Variants in PTPRD observed in about 807,000 individuals in gnomAD.
PTPRD encodes protein tyrosine phosphatase receptor type D.
A neutral mutation model predicts 214.5 loss-of-function variants in PTPRD; 34 were observed. The observed-to-expected ratio is 0.16, with a 90% confidence interval of 0.12 to 0.21. The LOEUF (loss-of-function observed/expected upper bound fraction) is 0.21, where lower values mean the gene tolerates loss of function less well. PTPRD is among the 10% of genes least tolerant of loss of function. The pLI is 1.00. For synonymous variants in PTPRD, 1,128 were observed against 845.7 expected (o/e 1.33, Z -5.79); for missense variants, 2,545 against 2,398.7 (o/e 1.06, Z -1.27).
At chr9:8,473,463 C>G (rs2096699739) in intron 30 of PTPRD, among the ~76,000 whole-genome samples, 2 of 152,144 alleles carry the variant, frequency 1.3e-5, no homozygotes, top group African/African-American at 4.8e-5. Context: ...CGTACAAAAT[C>G]ACACTGCAGA....
Position 10,208,310 on chromosome 9 carries a change from C to T in PTPRD, c.-545+132653G>A, listed in dbSNP as rs568193048. Among the ~76,000 whole-genome samples the T allele has an allele frequency of 4.0e-3, 616 of 152,168 alleles. 2 individuals are homozygous for T. Among genetic ancestry groups the T allele is most frequent in the African/African-American group, 0.012 (517 of 41,482 alleles). ...AGGGCGGATCACGAGGTCAGGAGATCGACGCCATCCTGGCTAACACGGTGA... is the reference window on the plus strand; with the variant it reads ...AGGGCGGATCACGAGGTCAGGAGATTGACGCCATCCTGGCTAACACGGTGA... On this transcript the variant is annotated intron_variant, in intron 3 of 45. Coordinates refer to ENST00000381196, the MANE Select transcript of PTPRD (RefSeq NM_002839.4).
At position 10,607,163 on chromosome 9, in the gene PTPRD, G is replaced by C. The variant is rs114190036; in HGVS notation, c.-600+5235C>G. 1.8e-3 allele frequency among the ~76,000 whole-genome samples: 266 copies of C among 151,840 alleles called. 1 individual carries two copies. Among genetic ancestry groups the C allele is most frequent in the African/African-American group, 6.3e-3 (261 of 41,484 alleles). On this transcript the variant is annotated intron_variant, in intron 2 of 45. Coordinates refer to ENST00000381196, the MANE Select transcript of PTPRD (RefSeq NM_002839.4). ...GCATCTAATGTAAGTAAATGTATTT[G>C]AGAATATAGAGGTAAAATATTTTTG...
chr9:9,822,672 T>G (rs933388488), intron 5 of PTPRD, among the ~76,000 whole-genome samples: 1 of 151,916 alleles, frequency 6.6e-6, no homozygotes, highest in Non-Finnish European at 1.5e-5. Context: ...AAAACATATC[T>G]TCATAACAGA....
At chr9:9,535,515 T>A (rs1226223061) in intron 8 of PTPRD, among the ~76,000 whole-genome samples, 2 of 152,040 alleles carry the variant, frequency 1.3e-5, no homozygotes, top group Non-Finnish European at 2.9e-5. Context: ...CAAAACTCTA[T>A]CCCAGAGGGG....
At chr9:9,757,203 TA>T (rs1333071972) in intron 6 of PTPRD, among the ~76,000 whole-genome samples, 6 of 152,190 alleles carry the variant, frequency 3.9e-5, no homozygotes, top group Non-Finnish European at 8.8e-5. Context: ...CAAAGGATAC[TA>T]ATCAATTTTA....
intron 2 of PTPRD, among the ~76,000 whole-genome samples, chr9:10,382,905 G>A (rs1365000258): frequency 6.6e-6 from 1 of 151,836 alleles, no homozygotes. Flanking sequence ...GTGTGGAAGT[G>A]TGGTGTAGAG....
intron 7 of PTPRD, among the ~76,000 whole-genome samples, chr9:9,664,620 C>A (rs774670019): frequency 6.6e-6 from 1 of 151,648 alleles, no homozygotes; most frequent in Non-Finnish European, 1.5e-5. Context: ...TTAGACAATT[C>A]ATTTTACTAG....
intron 11 of PTPRD, among the ~76,000 whole-genome samples, chr9:8,780,927 G>T (rs2095668315): frequency 2.0e-5 from 3 of 152,168 alleles, no homozygotes; most frequent in Admixed American, 6.5e-5. Flanking sequence ...ATTTGCTATT[G>T]ATCAGCTGTG....
chr9:9,895,117 G>T (rs545313565), intron 5 of PTPRD, among the ~76,000 whole-genome samples: 235 of 152,112 alleles, frequency 1.5e-3, no homozygotes, highest in African/African-American at 5.2e-3. Context: ...GGCTTTGGCT[G>T]GTTGTAAGAC....
intron 5 of PTPRD, among the ~76,000 whole-genome samples, chr9:9,845,083 T>C (rs2059208479): frequency 7.9e-6 from 1 of 126,076 alleles, no homozygotes; most frequent in African/African-American, 2.8e-5. Flanking sequence ...TATTGCTCTA[T>C]ATATATAGCT....
At chr9:9,221,209 A>G (rs1308348986) in intron 9 of PTPRD, among the ~76,000 whole-genome samples, 1 of 152,112 alleles carries the variant, frequency 6.6e-6, no homozygotes, top group Non-Finnish European at 1.5e-5. Context: ...AAATGCATTC[A>G]TTGGCAAAGT....
At chr9:10,586,975 A>G (rs2074092192) in intron 2 of PTPRD, among the ~76,000 whole-genome samples, 1 of 152,096 alleles carries the variant, frequency 6.6e-6, no homozygotes, top group Admixed American at 6.6e-5. Context: ...AATTAAGGGT[A>G]GATGGTGAAG....
chr9:9,741,620 G>T (rs1365357906), intron 6 of PTPRD, among the ~76,000 whole-genome samples: 1 of 152,014 alleles, frequency 6.6e-6, no homozygotes, highest in South Asian at 2.1e-4. Flanking sequence ...CCCAAACCCT[G>T]ACAGGCCCCA....
intron 4 of PTPRD, among the ~76,000 whole-genome samples, chr9:9,959,246 C>T (rs765395681): frequency 1.3e-5 from 2 of 152,074 alleles, no homozygotes; most frequent in Non-Finnish European, 2.9e-5. Context: ...GTATTGAGAG[C>T]TGACATATTT....
intron 5 of PTPRD, among the ~76,000 whole-genome samples, chr9:9,774,688 G>A (rs1405110010): frequency 2.0e-5 from 3 of 152,198 alleles, no homozygotes; most frequent in African/African-American, 7.2e-5. Context: ...TAAATGTGAT[G>A]TAGGCATTCA....
chr9:9,029,292 T>C (rs1366228931), intron 10 of PTPRD, among the ~76,000 whole-genome samples: 2 of 151,810 alleles, frequency 1.3e-5, no homozygotes, highest in Admixed American at 6.6e-5. Context: ...TGTTGGAAGG[T>C]TGAGATTATT....
intron 4 of PTPRD, among the ~76,000 whole-genome samples, chr9:9,943,922 C>G (rs1394195937): frequency 6.6e-6 from 1 of 152,152 alleles, no homozygotes; most frequent in African/African-American, 2.4e-5. Flanking sequence ...GCTCCTTCAC[C>G]AATGTCTCAC....
At chr9:10,319,346 A>C in intron 3 of PTPRD, among the ~76,000 whole-genome samples, 1 of 152,116 alleles carries the variant, frequency 6.6e-6, no homozygotes, top group Non-Finnish European at 1.5e-5. Flanking sequence ...TTATTGCATT[A>C]GATTTCATAT....
intron 10 of PTPRD, among the ~76,000 whole-genome samples, chr9:9,082,836 A>G (rs776083513): frequency 5.9e-5 from 9 of 152,128 alleles, no homozygotes; most frequent in Non-Finnish European, 1.2e-4. Context: ...TAGGAATATA[A>G]CTTGCAAAGG....
Sources: allele counts gnomAD v4.1 joint callset (sites outside exome capture counted in the v4.1 genomes callset), GRCh38; gene constraint gnomAD v4.1.1; transcripts MANE v1.5; gene names NCBI Gene and HGNC (gene_info 2026-07-23, HGNC 2026-07-21).